Variants in EGLN1 observed in about 807,000 individuals in gnomAD.
EGLN1 encodes egl nine homolog 1.
Under a neutral mutation model 38.3 loss-of-function variants are expected in EGLN1, and 17 were observed. That is an observed-to-expected ratio of 0.44 (90% confidence interval 0.30 to 0.67). EGLN1 has a LOEUF of 0.67. EGLN1 is among the 30% of genes least tolerant of loss of function. The probability of loss-of-function intolerance (pLI) is 0.08; values close to 1 mark genes in which losing one functional copy is unlikely to be tolerated. For missense variants in EGLN1, 477 were observed against 603.3 expected (o/e 0.79, Z 2.19); for synonymous variants, 283 against 257.5 (o/e 1.10, Z -0.95).
At chr1:231,371,929 G>A (rs1225007636) in intron 2 of EGLN1, among the ~76,000 whole-genome samples, 1 of 152,186 alleles carries the variant, frequency 6.6e-6, no homozygotes, top group Non-Finnish European at 1.5e-5. Flanking sequence ...TTAAATTCTA[G>A]CTACTTTGAT....
intron 3 of EGLN1, among the ~76,000 whole-genome samples, chr1:231,370,027 T>C (rs953862895): frequency 6.6e-6 from 1 of 152,160 alleles, no homozygotes; most frequent in African/African-American, 2.4e-5. Flanking sequence ...TGCTCATTAT[T>C]TGTAAAGCTA....
intron 3 of EGLN1, among the ~76,000 whole-genome samples, chr1:231,368,042 G>A (rs1010107195): frequency 6.6e-6 from 1 of 152,072 alleles, no homozygotes; most frequent in South Asian, 2.1e-4. Flanking sequence ...AAAAAAATTA[G>A]CCGTGCATGG....
chr1:231,388,421 C>T lies in EGLN1; in HGVS notation c.892-14322G>A, dbSNP rs554096348. Among the ~76,000 whole-genome samples the T allele has an allele frequency of 1.2e-4, 19 of 152,316 alleles. No homozygotes were observed. In the East Asian group the frequency reaches 3.7e-3, roughly 29 times the overall value. ...CTATGAATCCTACATCCAGGCCTCT[C>T]TGCCAGCCTGCCAGGAGGTTCTACT... On this transcript the variant is annotated intron_variant, in intron 1 of 4. Coordinates refer to ENST00000366641, the MANE Select transcript of EGLN1 (RefSeq NM_022051.3).
At chr1:231,393,993 C>T (rs563485245) in intron 1 of EGLN1, among the ~76,000 whole-genome samples, 1 of 152,344 alleles carries the variant, frequency 6.6e-6, no homozygotes, top group Admixed American at 6.5e-5. Flanking sequence ...CTTCCAACTT[C>T]AGGATATGTA....
chr1:231,390,265 C>T (rs1410647949), intron 1 of EGLN1, among the ~76,000 whole-genome samples: 1 of 152,202 alleles, frequency 6.6e-6, no homozygotes, highest in African/African-American at 2.4e-5. Context: ...GCTGTTTCCT[C>T]ACTTGAAAAA....
At chr1:231,407,799 A>T (rs1399356970) in intron 1 of EGLN1, among the ~76,000 whole-genome samples, 1 of 152,134 alleles carries the variant, frequency 6.6e-6, no homozygotes, top group Non-Finnish European at 1.5e-5. Flanking sequence ...AAAATAGTGC[A>T]AGCCATGCTG....
At chr1:231,409,640 G>GGCA (rs1002936558) in intron 1 of EGLN1, among the ~76,000 whole-genome samples, 1 of 152,146 alleles carries the variant, frequency 6.6e-6, no homozygotes, top group Non-Finnish European at 1.5e-5. Context: ...AGGTAGAAAT[G>GGCA]TCTGTCAGTC....
At chr1:231,397,895 T>C (rs1481776109) in intron 1 of EGLN1, among the ~76,000 whole-genome samples, 1 of 152,092 alleles carries the variant, frequency 6.6e-6, no homozygotes, top group East Asian at 1.9e-4. Flanking sequence ...ACAGATGAAA[T>C]GGAATACTAC....
intron 1 of EGLN1, chr1:231,420,096 G>A (rs1224706442): frequency 1.3e-5 from 2 of 152,356 alleles, no homozygotes; most frequent in East Asian, 1.9e-4. Context: ...AGGGAGGAAA[G>A]AGGGAATAGA....
At chr1:231,391,092 T>TCTGTTGTGTG (rs1553353099) in intron 1 of EGLN1, among the ~76,000 whole-genome samples, 1 of 67,362 alleles carries the variant, frequency 1.5e-5, no homozygotes, top group African/African-American at 4.7e-5. Flanking sequence ...TGTTTTTTTT[T>TCTGTTGTGTG]TGTGTGTGTG....
At chr1:231,404,140 A>G (rs1427492507) in intron 1 of EGLN1, among the ~76,000 whole-genome samples, 1 of 152,142 alleles carries the variant, frequency 6.6e-6, no homozygotes, top group Non-Finnish European at 1.5e-5. Context: ...GTTAAGAATA[A>G]TTAATTTTAG....
At position 231,421,923 on chromosome 1, in the gene EGLN1, G is replaced by A. The variant is rs1656644117; in HGVS notation, c.-35C>T. Reference sequence around the variant, plus strand: ...GGCGGCGGCGACGGCGACTGCGGCGGCCGAGCAGGAGGGGTAGCGGCCGGA... The same window carrying A: ...GGCGGCGGCGACGGCGACTGCGGCGACCGAGCAGGAGGGGTAGCGGCCGGA... On this transcript the variant is annotated 5_prime_UTR_variant, in exon 1 of 5. Transcript: ENST00000366641. This position sits in a 1 kb window ranked among gnomAD's most constrained non-coding sequence, Gnocchi z 5.5. 2.2e-6 allele frequency: 3 copies of A among 1,377,120 alleles called. No homozygotes were observed. Among genetic ancestry groups the A allele is most frequent in the Non-Finnish European group, 1.9e-6 (2 of 1,075,802 alleles). The allele number at this position is 1,377,120 out of a possible 1,614,324, so 85.3% of individuals were successfully genotyped here. A position where few individuals can be genotyped will look rare whatever the true frequency, so the allele number is the denominator to read the frequency against.
At chr1:231,409,979 G>A (rs1688894348) in intron 1 of EGLN1, among the ~76,000 whole-genome samples, 1 of 152,014 alleles carries the variant, frequency 6.6e-6, no homozygotes, top group African/African-American at 2.4e-5. Flanking sequence ...GAGCGCATAA[G>A]ATAACCCAGG....
At chr1:231,384,627 G>A (rs185634123) in intron 1 of EGLN1, among the ~76,000 whole-genome samples, 131 of 152,234 alleles carry the variant, frequency 8.6e-4, no homozygotes, top group Non-Finnish European at 1.2e-3. Context: ...AGACAACAGC[G>A]TAAGATGAAG....
intron 1 of EGLN1, among the ~76,000 whole-genome samples, chr1:231,406,165 C>CAAAAAAAAAAAA (rs5781651): frequency 0.012 from 1,627 of 138,532 alleles, 21 homozygotes; most frequent in Admixed American, 0.017. Context: ...GACTCCGTCT[C>CAAAAAAAAAAAA]AAAAAAAAAA....
intron 1 of EGLN1, among the ~76,000 whole-genome samples, chr1:231,380,122 T>C (rs1164351530): frequency 6.6e-6 from 1 of 152,168 alleles, no homozygotes; most frequent in Non-Finnish European, 1.5e-5. Context: ...TCGCATGGGA[T>C]AGCTGAAGCC....
At chr1:231,411,676 T>C (rs1019044104) in intron 1 of EGLN1, among the ~76,000 whole-genome samples, 2 of 152,072 alleles carry the variant, frequency 1.3e-5, no homozygotes, top group Non-Finnish European at 2.9e-5. Flanking sequence ...CACTTTAGAA[T>C]CAAAAGCAAG....
At chr1:231,367,068 T>G (rs1323264676) in intron 4 of EGLN1, among the ~76,000 whole-genome samples, 1 of 152,252 alleles carries the variant, frequency 6.6e-6, no homozygotes, top group African/African-American at 2.4e-5. Flanking sequence ...TGCTGACCTA[T>G]GTACACCATT....
At chr1:231,414,632 G>C (rs1311858317) in intron 1 of EGLN1, among the ~76,000 whole-genome samples, 3 of 151,872 alleles carry the variant, frequency 2.0e-5, no homozygotes, top group Admixed American at 6.6e-5. Flanking sequence ...CCAACATGTA[G>C]AATGACAGAA....
Sources: gnomAD v4.1 joint callset for allele counts (sites outside exome capture counted in the v4.1 genomes callset) on GRCh38, gnomAD v4.1.1 for gene constraint, Gnocchi (gnomAD v3.1) non-coding constraint, MANE v1.5 for transcripts, NCBI Gene and HGNC (gene_info 2026-07-23, HGNC 2026-07-21) for gene names.